The following DYNC2LI1 variants were observed in gnomAD, a reference collection of about 807,000 sequenced individuals.
The protein encoded by DYNC2LI1 is cytoplasmic dynein 2 light intermediate chain 1.
Under a neutral mutation model 51.9 loss-of-function variants are expected in DYNC2LI1, and 45 were observed. The observed-to-expected ratio is 0.87, with a 90% CI of 0.68 to 1.11. The LOEUF is 1.11. Ranked by LOEUF, DYNC2LI1 falls within the 50% of genes most tolerant of loss-of-function variation. The pLI is 0.00. For missense variants in DYNC2LI1, 490 were observed against 417.4 expected (o/e 1.17, Z -1.51); for synonymous variants, 130 against 137.8 (o/e 0.94, Z 0.40).
chr2:43,819,832 G>C, the DYNC2LI1 span: 4 of 1,438,956 alleles, frequency 2.8e-6, no homozygotes, highest in Middle Eastern at 2.1e-4. Flanking sequence ...CAGTTCTCTG[G>C]TATTCCTTTA....
chr2:43,774,076 G>A lies in DYNC2LI1; in HGVS notation c.-63G>A. 1 of 1,606,706 alleles carries A rather than the reference G, an allele frequency of 6.2e-7. No homozygotes were observed. The highest frequency in any genetic ancestry group is 8.5e-7 in the Non-Finnish European group (1 of 1,176,320). On this transcript the variant is annotated 5_prime_UTR_variant, in exon 1 of 13. Coordinates refer to ENST00000260605, the MANE Select transcript of DYNC2LI1 (RefSeq NM_016008.4). ...TCCCAGACTCCTTGCGGAGCTCGCCGCCTGATTCTAGGCTGGTCACTACTC... is the reference window on the plus strand; with the variant it reads ...TCCCAGACTCCTTGCGGAGCTCGCCACCTGATTCTAGGCTGGTCACTACTC...
At chr2:43,799,330 CA>C (rs1553364035) in intron 8 of DYNC2LI1, among the ~76,000 whole-genome samples, 1 of 151,978 alleles carries the variant, frequency 6.6e-6, no homozygotes, top group Non-Finnish European at 1.5e-5. Context: ...CCTCGCCCCC[CA>C]AAAGAACAGG....
the DYNC2LI1 span, chr2:43,824,943 A>AGAAATCAAGCATTTCCGCT: frequency 4.3e-6 from 7 of 1,614,128 alleles, no homozygotes; most frequent in East Asian, 1.3e-4. Context: ...CAGTCATTGA[A>AGAAATCAAGCATTTCCGCT]GAAATCAAGC....
At chr2:43,808,628 G>A (rs867982817) in intron 12 of DYNC2LI1, among the ~76,000 whole-genome samples, 1 of 152,168 alleles carries the variant, frequency 6.6e-6, no homozygotes, top group African/African-American at 2.4e-5. Flanking sequence ...TTTATGAATT[G>A]TAAAGGTAAG....
At chr2:43,785,246 C>G (rs192343530) in intron 3 of DYNC2LI1, among the ~76,000 whole-genome samples, 2 of 152,246 alleles carry the variant, frequency 1.3e-5, no homozygotes, top group African/African-American at 4.8e-5. Context: ...CTGCAGTGAG[C>G]TGTGATCGCG....
chr2:43,817,680 C>T, the DYNC2LI1 span, among the ~76,000 whole-genome samples: 1 of 151,858 alleles, frequency 6.6e-6, no homozygotes. Context: ...GAGGCCAAGG[C>T]AGGCAGATCA....
At chr2:43,783,466 AATTTTTAC>A in intron 2 of DYNC2LI1, 46 bp from the exon 3 acceptor site, 1 of 1,327,042 alleles carries the variant, frequency 7.5e-7, no homozygotes, top group South Asian at 1.4e-5. Flanking sequence ...ACAATAATAC[AATTTTTAC>A]ATATGAGTGA....
downstream of DYNC2LI1, among the ~76,000 whole-genome samples, chr2:43,811,845 C>T (rs10180748): frequency 0.21 from 32,021 of 152,000 alleles, 3,860 homozygotes; most frequent in African/African-American, 0.31. Context: ...CCACCCGCCT[C>T]GGCCTCCCAA....
intron 8 of DYNC2LI1, among the ~76,000 whole-genome samples, chr2:43,799,102 C>G (rs1572714972): frequency 6.6e-6 from 1 of 152,122 alleles, no homozygotes; most frequent in African/African-American, 2.4e-5. Flanking sequence ...AAGTTCAAGA[C>G]CAGCCTGGGC....
chr2:43,800,370 C>T (rs1035968323), intron 8 of DYNC2LI1, among the ~76,000 whole-genome samples: 1 of 152,186 alleles, frequency 6.6e-6, no homozygotes, highest in African/African-American at 2.4e-5. Context: ...GACCAGTCTG[C>T]AGTCCCACAG....
At chr2:43,807,273 C>A (rs546625733) in intron 12 of DYNC2LI1, among the ~76,000 whole-genome samples, 1 of 152,062 alleles carries the variant, frequency 6.6e-6, no homozygotes, top group Non-Finnish European at 1.5e-5. Context: ...GTGATTAGCC[C>A]TCTTTAATTA....
In DYNC2LI1 at chr2:43,804,620, G is replaced by A. The variant is rs374245504; in HGVS notation, c.803-22G>A. 8.3e-6 allele frequency: 12 copies of A among 1,454,360 alleles called. No individual in the cohort carries two copies. In the Admixed American group the frequency reaches 8.3e-5, roughly 10 times the overall value. 90.1% of individuals were successfully genotyped at this position (1,454,360 alleles called of 1,614,324 possible). On this transcript the variant is annotated intron_variant, in intron 10 of 12. Transcript: ENST00000260605. ...AATATTTTAATCATTGCAGTCATTT[G>A]TGGTAAAACTTGCTATTTTAGGATC...
chr2:43,809,020 A>T (rs992390461), intron 12 of DYNC2LI1, among the ~76,000 whole-genome samples: 10 of 149,984 alleles, frequency 6.7e-5, no homozygotes, highest in Admixed American at 6.0e-4. Flanking sequence ...ACAGGATCTC[A>T]CTCTGTCACC....
At chr2:43,780,576 G>T (rs1486866053) in intron 2 of DYNC2LI1, among the ~76,000 whole-genome samples, 1 of 152,154 alleles carries the variant, frequency 6.6e-6, no homozygotes, top group Non-Finnish European at 1.5e-5. Context: ...AGGCTGCAGA[G>T]GAAGGGGTTC....
chr2:43,779,796 A>T (rs1673190219), intron 2 of DYNC2LI1, among the ~76,000 whole-genome samples: 1 of 152,250 alleles, frequency 6.6e-6, no homozygotes, highest in East Asian at 1.9e-4. Context: ...GGAATGTAAT[A>T]GGATTTTCAG....
In DYNC2LI1 at chr2:43,787,165, G is replaced by C. The variant is rs771562742; in HGVS notation, c.162-16G>C. ...TACCACCTACAATGATAATACTATCGGCCTTTATTATACAGAGATGAACCA... is the reference window on the plus strand; with the variant it reads ...TACCACCTACAATGATAATACTATCCGCCTTTATTATACAGAGATGAACCA... On this transcript the variant is annotated splice_polypyrimidine_tract_variant and intron_variant, in intron 3 of 12. Coordinates refer to ENST00000260605, the MANE Select transcript of DYNC2LI1 (RefSeq NM_016008.4). The C allele has an allele frequency of 1.9e-6, 3 of 1,596,836 alleles. No homozygotes were observed. In the South Asian group the frequency reaches 3.3e-5, roughly 18 times the overall value.
intron 8 of DYNC2LI1, among the ~76,000 whole-genome samples, 200 bp from the exon 9 acceptor site, chr2:43,800,641 C>A (rs1161258116): frequency 6.6e-6 from 1 of 152,114 alleles, no homozygotes; most frequent in Non-Finnish European, 1.5e-5. Context: ...ATCATGTACT[C>A]ATTAAGTTTG....
Position 43,776,794 on chromosome 2 carries a change from G to A in DYNC2LI1, c.21G>A (p.Trp7Ter), listed in dbSNP as rs1278807090. ...GCCTCTCATGTAGTGAAACTCTCTG[G>A]GAAATTGCAAAAGCTGAAGTGGAAA... Reference protein sequence around the residue: MPSETLWEIAKAEVEKR... With the variant: MPSETL The change falls in exon 2 of 13, where the codon TGG becomes TGA. Residue 7 changes from tryptophan to a stop codon, truncating the protein, a stop_gained. Coordinates refer to ENST00000260605, the MANE Select transcript of DYNC2LI1 (RefSeq NM_016008.4). LOFTEE classifies it high-confidence loss of function. 2.5e-6 allele frequency: 4 copies of A among 1,578,630 alleles called. No individual in the cohort carries two copies. Among genetic ancestry groups the A allele is most frequent in the East Asian group, 2.3e-5 (1 of 43,058 alleles).
Position 43,774,046 on chromosome 2 carries a change from C to T in DYNC2LI1, c.-93C>T, listed in dbSNP as rs75684735. Reference sequence around the variant, plus strand: ...TCGCTCCCATGGCAACCCAGAAGGCCTCACTCCCAGACTCCTTGCGGAGCT... The same window carrying T: ...TCGCTCCCATGGCAACCCAGAAGGCTTCACTCCCAGACTCCTTGCGGAGCT... On this transcript the variant is annotated 5_prime_UTR_variant, in exon 1 of 13. Coordinates refer to ENST00000260605, the MANE Select transcript of DYNC2LI1 (RefSeq NM_016008.4). 25,799 of 1,551,730 alleles carry T rather than the reference C, an allele frequency of 0.017. 273 individuals are homozygous for T. Among genetic ancestry groups the T allele is most frequent in the Non-Finnish European group, 0.019 (21,664 of 1,141,688 alleles).
Sources: gnomAD v4.1 joint callset for allele counts (sites outside exome capture counted in the v4.1 genomes callset) on GRCh38, gnomAD v4.1.1 for gene constraint, MANE v1.5 for transcripts, NCBI Gene and HGNC (gene_info 2026-07-23, HGNC 2026-07-21) for gene names.